The following WDR27 variants were observed in gnomAD, a reference collection of about 807,000 sequenced individuals.
The protein encoded by WDR27 is WD repeat-containing protein 27.
In WDR27, 100 loss-of-function variants were observed where a neutral mutation model predicts 114.4. The ratio of observed to expected loss-of-function variants is 0.87; its 90% confidence interval spans 0.74 to 1.03. The LOEUF is 1.03. Among genes scored for constraint, WDR27 ranks in the 50% least tolerant of loss-of-function variants. The pLI, the probability that WDR27 is intolerant of heterozygous loss-of-function variation, is 0.00. For missense variants in WDR27, 1,129 were observed against 1,092.9 expected, an observed-to-expected ratio of 1.03 and a Z score of -0.47; for synonymous variants, 449 against 423.1, an observed-to-expected ratio of 1.06 and a Z score of -0.75.
At chr6:169,468,213 A>C (rs1785863099) in intron 25 of WDR27, among the ~76,000 whole-genome samples, 1 of 152,222 alleles carries the variant, frequency 6.6e-6, no homozygotes, top group Admixed American at 6.5e-5. Context: ...ATTTTGGTCA[A>C]GGCCATTCAA....
At chr6:169,650,975 C>T (rs1253686691) in intron 14 of WDR27, among the ~76,000 whole-genome samples, 1 of 151,976 alleles carries the variant, frequency 6.6e-6, no homozygotes, top group African/African-American at 2.4e-5. Flanking sequence ...TTGTTCAAGC[C>T]AGAGAACAAG....
At chr6:169,488,271 G>A (rs1406758154) in intron 25 of WDR27, among the ~76,000 whole-genome samples, 1 of 152,242 alleles carries the variant, frequency 6.6e-6, no homozygotes, top group South Asian at 2.1e-4. Flanking sequence ...TGTTGCTGGA[G>A]AGGCAGCCAG....
chr6:169,537,900 T>C (rs1218540329), intron 25 of WDR27, among the ~76,000 whole-genome samples: 5 of 152,170 alleles, frequency 3.3e-5, no homozygotes, highest in Non-Finnish European at 7.3e-5. Context: ...GAAAATCATA[T>C]CTCAATAAAG....
intron 21 of WDR27, 50 bp from the exon 22 acceptor site, chr6:169,613,706 T>TA: frequency 6.7e-7 from 1 of 1,489,162 alleles, no homozygotes; most frequent in Non-Finnish European, 9.3e-7. Context: ...GTTGAGTTAA[T>TA]AAGCGTTATG....
At chr6:169,463,754 C>G (rs1445643590) in intron 25 of WDR27, among the ~76,000 whole-genome samples, 1 of 152,098 alleles carries the variant, frequency 6.6e-6, no homozygotes, top group Non-Finnish European at 1.5e-5. Context: ...AATGAGCAAT[C>G]TGAAACTCTA....
the WDR27 span, among the ~76,000 whole-genome samples, chr6:169,446,430 C>T: frequency 4.1e-4 from 63 of 152,224 alleles, no homozygotes; most frequent in African/African-American, 1.4e-3. Flanking sequence ...GGGCACAAGG[C>T]GAGGTCTGGC....
chr6:169,481,164 G>A (rs1418739729), intron 25 of WDR27, among the ~76,000 whole-genome samples: 1 of 152,046 alleles, frequency 6.6e-6, no homozygotes, highest in East Asian at 1.9e-4. Flanking sequence ...GCACCAATCA[G>A]TGCTCTGTGT....
chr6:169,694,656 T>C (rs1485959273), intron 1 of WDR27, among the ~76,000 whole-genome samples: 1 of 152,222 alleles, frequency 6.6e-6, no homozygotes, highest in African/African-American at 2.4e-5. Flanking sequence ...GAGTTTAATA[T>C]GTAATTAAAC....
intron 25 of WDR27, among the ~76,000 whole-genome samples, chr6:169,545,368 A>G (rs1175141034): frequency 6.6e-6 from 1 of 152,242 alleles, no homozygotes; most frequent in African/African-American, 2.4e-5. Context: ...ACTTTGCACC[A>G]AAGAAGAATC....
At chr6:169,639,395 A>C (rs528251918) in intron 17 of WDR27, among the ~76,000 whole-genome samples, 1 of 152,294 alleles carries the variant, frequency 6.6e-6, no homozygotes, top group African/African-American at 2.4e-5. Context: ...AGTATTATGA[A>C]CTACAGTATA....
At chr6:169,628,681 G>A (rs991586217) in intron 21 of WDR27, among the ~76,000 whole-genome samples, 30 of 152,252 alleles carry the variant, frequency 2.0e-4, no homozygotes, top group African/African-American at 6.3e-4. Flanking sequence ...CTCTGGCAGC[G>A]ATTCCACATC....
chr6:169,439,842 A>G, the WDR27 span, among the ~76,000 whole-genome samples: 3 of 148,024 alleles, frequency 2.0e-5, no homozygotes, highest in Non-Finnish European at 3.0e-5. Context: ...GGATGCAATT[A>G]TAATCGTTAA....
At chr6:169,467,454 C>T (rs1449660502) in intron 25 of WDR27, among the ~76,000 whole-genome samples, 1 of 152,222 alleles carries the variant, frequency 6.6e-6, no homozygotes, top group African/African-American at 2.4e-5. Flanking sequence ...TCCATACATC[C>T]TTGAAATAAA....
rs376866787 is a variant in WDR27 at position 169,657,887 on chromosome 6, G to A, written c.1402+389C>T. ...ATGTTCCAGAAATGCACACTCAAGT[G>A]TGCAGGAGTACAATCACACGCTCGG... On this transcript the variant is annotated intron_variant, in intron 13 of 25. Transcript: ENST00000448612. 4 of 182,556 alleles carry A rather than the reference G, an allele frequency of 2.2e-5. No individual in the cohort carries two copies. In the East Asian group the frequency reaches 4.8e-4, roughly 22 times the overall value. The allele number at this position is 182,556 out of a possible 1,614,324, so 11.3% of individuals were successfully genotyped here.
At chr6:169,586,831 C>G (rs1253949832) in intron 23 of WDR27, among the ~76,000 whole-genome samples, 2 of 107,250 alleles carry the variant, frequency 1.9e-5, no homozygotes, top group African/African-American at 3.6e-5. Context: ...CCTGGCGACA[C>G]AGCTAGACTC....
In WDR27 at chr6:169,480,072, C is replaced by T. The variant is rs542188503; in HGVS notation, c.2646-22438G>A. Among the ~76,000 whole-genome samples, 11 of 152,264 alleles carry T rather than the reference C, an allele frequency of 7.2e-5. No individual in the cohort carries two copies. In the East Asian group the frequency reaches 7.7e-4, roughly 11 times the overall value. ...GGGCAGGAACCAGGGCTGTGCATGG[C>T]GCTCGCGGGCCAGCGTGAGTTCCAG... On this transcript the variant is annotated intron_variant, in intron 25 of 25. Transcript: ENST00000448612.
the WDR27 span, among the ~76,000 whole-genome samples, chr6:169,451,667 C>T: frequency 6.6e-6 from 1 of 152,198 alleles, no homozygotes; most frequent in African/African-American, 2.4e-5. Context: ...TTCCACTGAA[C>T]CACATCCTTG....
downstream of WDR27, among the ~76,000 whole-genome samples, chr6:169,452,991 C>T (rs746518692): frequency 1.3e-5 from 2 of 152,234 alleles, no homozygotes; most frequent in Non-Finnish European, 2.9e-5. Flanking sequence ...TCCCCAGCCT[C>T]CCTGGTCTCC....
intron 25 of WDR27, among the ~76,000 whole-genome samples, chr6:169,542,398 T>C (rs1796943441): frequency 6.6e-6 from 1 of 152,086 alleles, no homozygotes; most frequent in Admixed American, 6.6e-5. Flanking sequence ...AAAAAATATC[T>C]AATTATAAGA....
Sources: gnomAD v4.1 joint callset for allele counts (sites outside exome capture counted in the v4.1 genomes callset) on GRCh38, gnomAD v4.1.1 for gene constraint, MANE v1.5 for transcripts, NCBI Gene and HGNC (gene_info 2026-07-23, HGNC 2026-07-21) for gene names.